Variants in CFAP65 observed in about 807,000 individuals in gnomAD.
CFAP65 encodes the protein cilia and flagella associated protein 65.
CFAP65 carries 155 observed loss-of-function variants against 208.0 expected under a neutral mutation model. The ratio of observed to expected loss-of-function variants is 0.75; its 90% CI spans 0.65 to 0.85. The LOEUF (loss-of-function observed/expected upper bound fraction) is 0.85, where lower values mean the gene tolerates loss of function less well. Among genes scored for constraint, CFAP65 ranks in the 40% least tolerant of loss-of-function variants. The pLI, the probability that CFAP65 is intolerant of heterozygous loss-of-function variation, is 0.00. For missense variants in CFAP65, 2,294 were observed against 2,451.3 expected (o/e 0.94, Z 1.36); for synonymous variants, 970 against 986.3 (o/e 0.98, Z 0.31).
chr2:219,008,824 C>T lies in CFAP65; in HGVS notation c.4674+223G>A, dbSNP rs540778018. 1.4e-4 allele frequency among the ~76,000 whole-genome samples: 22 copies of T among 152,364 alleles called. No homozygotes were observed. The South Asian group carries it at 2.5e-3, about 17-fold the overall frequency. On this transcript the variant is annotated intron_variant, in intron 29 of 34. Transcript: ENST00000341552. ...GCACACAGTAGCCACTCATTAAATGCTGGCTACACGAGGCAGGGAATGGAC... is the reference window on the plus strand; with the variant it reads ...GCACACAGTAGCCACTCATTAAATGTTGGCTACACGAGGCAGGGAATGGAC...
At chr2:219,028,780 G>A (rs1255936414) in intron 11 of CFAP65, among the ~76,000 whole-genome samples, 1 of 152,146 alleles carries the variant, frequency 6.6e-6, no homozygotes, top group Non-Finnish European at 1.5e-5. Flanking sequence ...CTGGGCTTCT[G>A]TTCTTTCCTC....
chr2:219,013,693 G>A lies in CFAP65; in HGVS notation c.3780-108C>T. The A allele has an allele frequency of 4.9e-6, 6 of 1,224,078 alleles. No homozygotes were observed. The South Asian group carries it at 7.7e-5, about 16-fold the overall frequency. The allele number at this position is 1,224,078 out of a possible 1,614,324, so 75.8% of individuals were successfully genotyped here. A position where few individuals can be genotyped will look rare whatever the true frequency, so the allele number is the denominator to read the frequency against. On this transcript the variant is annotated intron_variant, in intron 22 of 34. Transcript: ENST00000341552. Reference sequence around the variant, plus strand: ...GCTTTGAGCTGGCCAGCCCCTGGGAGCAACTCGCCCTTGAGTTGGGATGGG... The same window carrying A: ...GCTTTGAGCTGGCCAGCCCCTGGGAACAACTCGCCCTTGAGTTGGGATGGG...
chr2:219,019,782 G>T, intron 19 of CFAP65, 63 bp from the exon 20 acceptor site: 1 of 1,423,280 alleles, frequency 7.0e-7, no homozygotes, highest in Non-Finnish European at 9.8e-7. Context: ...GAGGGGGCAT[G>T]CAGGCCAAAG....
chr2:219,006,552 G>A (rs775024440), intron 29 of CFAP65, 43 bp from the exon 30 acceptor site: 55 of 1,597,690 alleles, frequency 3.4e-5, no homozygotes, highest in Admixed American at 5.0e-5. Flanking sequence ...CAAGAGGCCC[G>A]GCCGGGGGTG....
rs1948309150 is a variant in CFAP65 at position 219,035,591 on chromosome 2, CCCCAGATGA to C, written c.422_430del (p.Val141_Trp143del). The C allele has an allele frequency of 6.2e-7, 1 of 1,614,076 alleles. No individual in the cohort carries two copies. The highest frequency in any genetic ancestry group is 8.5e-7 in the Non-Finnish European group (1 of 1,180,016). On this transcript the variant is annotated inframe_deletion, in exon 5 of 35. Coordinates refer to ENST00000341552, the MANE Select transcript of CFAP65 (RefSeq NM_194302.4). ...ATGCAGCTCCTCAGCCACCTCAATG[CCCCAGATGA>C]CCCTCTTGTTCACTCTCTCCTGCTT...
rs139816436 is a variant in CFAP65 at position 219,002,882 on chromosome 2, A to G, written c.*55T>C. On this transcript the variant is annotated 3_prime_UTR_variant, in exon 35 of 35. Transcript: ENST00000341552. This position sits in a 1 kb window ranked among gnomAD's most constrained non-coding sequence, Gnocchi z 7.9. ...GACTAGATGCTTTTACTGGCGGTGG[A>G]GAGGGGGCCAGGCGTGACCCCTAGC... 4.2e-6 allele frequency: 6 copies of G among 1,417,266 alleles called. No homozygotes were observed. The highest frequency in any genetic ancestry group is 4.9e-6 in the Non-Finnish European group (5 of 1,023,768). 87.8% of individuals were successfully genotyped at this position (1,417,266 alleles called of 1,614,324 possible). A position where few individuals can be genotyped will look rare whatever the true frequency, so the allele number is the denominator to read the frequency against.
chr2:219,036,220 G>T (rs1210702563), intron 4 of CFAP65, among the ~76,000 whole-genome samples: 1 of 152,152 alleles, frequency 6.6e-6, no homozygotes, highest in African/African-American at 2.4e-5. Context: ...GCCTTCTGGG[G>T]CCACTCCAAG....
chr2:219,013,183 T>G (rs1946600543), intron 24 of CFAP65, 76 bp downstream of exon 24: 1 of 1,022,036 alleles, frequency 9.8e-7, no homozygotes, highest in South Asian at 1.4e-5. Context: ...TTTGTCACCC[T>G]CTCAAGGGCT....
At chr2:219,039,347 A>G (rs1335700242) in intron 2 of CFAP65, 1 of 212,260 alleles carries the variant, frequency 4.7e-6, no homozygotes, top group Non-Finnish European at 9.4e-6. Context: ...GGCTTCTTTT[A>G]GCACACACAC....
At chr2:219,007,712 C>T (rs111228267) in intron 29 of CFAP65, among the ~76,000 whole-genome samples, 2 of 152,258 alleles carry the variant, frequency 1.3e-5, no homozygotes, top group African/African-American at 4.8e-5. Flanking sequence ...GCTTCCTGGG[C>T]GCCAGGCACT....
Position 219,006,238 on chromosome 2 carries a change from G to A in CFAP65, c.4720-15C>T. 3 of 1,599,732 alleles carry A rather than the reference G, an allele frequency of 1.9e-6. No homozygotes were observed. The highest frequency in any genetic ancestry group is 2.6e-6 in the Non-Finnish European group (3 of 1,170,798). On this transcript the variant is annotated splice_polypyrimidine_tract_variant and intron_variant, in intron 30 of 34. Coordinates refer to ENST00000341552, the MANE Select transcript of CFAP65 (RefSeq NM_194302.4). ...GGAGGCAGTGTCTTTGGGAAGGGAG[G>A]GACATGGATGACAAGGGTTTGGGCA...
At chr2:219,019,797 A>C in intron 19 of CFAP65, 78 bp from the exon 20 acceptor site, 1 of 1,268,698 alleles carries the variant, frequency 7.9e-7, no homozygotes, top group Non-Finnish European at 1.1e-6. Flanking sequence ...CCAAAGGTGC[A>C]GGAGTCCTGG....
intron 2 of CFAP65, 105 bp from the exon 3 acceptor site, chr2:219,039,155 G>T: frequency 9.9e-7 from 1 of 1,008,420 alleles, no homozygotes; most frequent in Non-Finnish European, 1.5e-6. Context: ...ACATATATTT[G>T]TATATATGCC....
Position 219,028,194 on chromosome 2 carries a change from A to G in CFAP65, c.1851+7T>C, listed in dbSNP as rs1947777757. On this transcript the variant is annotated splice_region_variant and intron_variant, in intron 12 of 34. Coordinates refer to ENST00000341552, the MANE Select transcript of CFAP65 (RefSeq NM_194302.4). ...GAAGGGATATGCAGCTGGGGAGGGC[A>G]CTGTACCTGGATGGGAATCATGAGA... The G allele has an allele frequency of 6.2e-7, 1 of 1,613,246 alleles. No homozygotes were observed. Among genetic ancestry groups the G allele is most frequent in the African/African-American group, 1.3e-5 (1 of 74,868 alleles).
rs749319343 is a variant in CFAP65, at chr2:219,039,033, C to T, written c.16G>A (p.Gly6Ser). MFTLT[G>S]CRLVEKTQKV... ...TGGGTTTTCTCCACCAGTCTACAACCGGTTAAGGTAAACATCACTGAAATA... is the reference window on the plus strand; with the variant it reads ...TGGGTTTTCTCCACCAGTCTACAACTGGTTAAGGTAAACATCACTGAAATA... Residue 6 changes from glycine to serine, a missense_variant, in exon 3 of 35, where the codon GGT becomes AGT. This residue lies in a region of CFAP65 where 867 missense variants were observed against 1,012.6 expected (regional missense o/e 0.86). Coordinates refer to ENST00000341552, the MANE Select transcript of CFAP65 (RefSeq NM_194302.4). 2.3e-5 allele frequency: 37 copies of T among 1,607,316 alleles called. No homozygotes were observed. The highest frequency in any genetic ancestry group is 5.4e-5 in the African/African-American group (4 of 74,684).
At chr2:219,018,857 C>G in intron 21 of CFAP65, 194 bp downstream of exon 21, 5 of 690,954 alleles carry the variant, frequency 7.2e-6, no homozygotes, top group Non-Finnish European at 1.3e-5. Context: ...CACCGTGTCT[C>G]AGCCGGTGAC....
chr2:219,003,165 A>AC lies in CFAP65; in HGVS notation c.5662dup (p.Val1888GlyfsTer62), dbSNP rs1243578416. 1.3e-6 allele frequency: 2 copies of AC among 1,545,400 alleles called. No individual in the cohort carries two copies. The highest frequency in any genetic ancestry group is 1.7e-6 in the Non-Finnish European group (2 of 1,143,692). ...CACGCAGAACGGCGGCAGGGCGATG[A>AC]CGCGTGGCCGCGAGGTGAGTACCAC... On this transcript the variant is annotated frameshift_variant, in exon 34 of 35. Coordinates refer to ENST00000341552, the MANE Select transcript of CFAP65 (RefSeq NM_194302.4). LOFTEE classifies it low-confidence loss of function (END_TRUNC). This position sits in a 1 kb window ranked among gnomAD's most constrained non-coding sequence, Gnocchi z 4.4.
intron 23 of CFAP65, 23 bp downstream of exon 23, chr2:219,013,496 G>A: frequency 1.3e-6 from 2 of 1,588,758 alleles, no homozygotes; most frequent in South Asian, 1.2e-5. Context: ...AACTAGGGCA[G>A]GGCCAGTGTG....
intron 5 of CFAP65, chr2:219,035,166 C>T: frequency 1.5e-6 from 1 of 653,810 alleles, no homozygotes; most frequent in Non-Finnish European, 2.5e-6. Flanking sequence ...CCTGGTATTC[C>T]CCAGAAAAAC....
Sources: gnomAD v4.1 joint callset for allele counts (sites outside exome capture counted in the v4.1 genomes callset) on GRCh38, gnomAD v4.1.1 for gene constraint, gnomAD v4.1.1 regional missense constraint, Gnocchi (gnomAD v3.1) non-coding constraint, MANE v1.5 for transcripts, NCBI Gene and HGNC (gene_info 2026-07-23, HGNC 2026-07-21) for gene names.